CACNA2D3: variants seen among roughly 807,000 people sequenced by gnomAD.
CACNA2D3 encodes calcium voltage-gated channel auxiliary subunit alpha2delta 3.
A neutral mutation model predicts 160.6 loss-of-function variants in CACNA2D3; 60 were observed. The observed-to-expected ratio is 0.37, with a 90% CI of 0.30 to 0.46. The LOEUF is 0.46. CACNA2D3 is among the 20% of genes least tolerant of loss of function. The probability of loss-of-function intolerance (pLI) is 1.00; values close to 1 mark genes in which losing one functional copy is unlikely to be tolerated. For synonymous variants in CACNA2D3, 558 were observed against 492.9 expected (o/e 1.13, Z -1.75); for missense variants, 1,205 against 1,365.0 (o/e 0.88, Z 1.85).
At chr3:54,453,149 A>G (rs1000427139) in intron 4 of CACNA2D3, among the ~76,000 whole-genome samples, 3 of 151,846 alleles carry the variant, frequency 2.0e-5, no homozygotes, top group Non-Finnish European at 2.9e-5. Context: ...GCACCACCAC[A>G]CCCAGCTAAT....
chr3:54,636,144 A>G (rs1468705761), intron 10 of CACNA2D3, among the ~76,000 whole-genome samples: 1 of 151,874 alleles, frequency 6.6e-6, no homozygotes, highest in Admixed American at 6.6e-5. Flanking sequence ...ATGGAAAGGA[A>G]ATGAGAGGTT....
At chr3:54,208,396 C>T (rs1048319254) in intron 2 of CACNA2D3, among the ~76,000 whole-genome samples, 4 of 152,172 alleles carry the variant, frequency 2.6e-5, no homozygotes, top group African/African-American at 9.7e-5. Flanking sequence ...GTGTGAGCCA[C>T]CACACCTGGC....
At chr3:54,992,780 GAAAAAA>G (rs5849065) in intron 31 of CACNA2D3, among the ~76,000 whole-genome samples, 39 of 137,366 alleles carry the variant, frequency 2.8e-4, no homozygotes, top group African/African-American at 9.0e-4. Context: ...TGAACAACAA[GAAAAAA>G]AAAAAAAAGA....
Position 55,073,535 on chromosome 3 carries a change from C to T in CACNA2D3, c.3078C>T (p.Thr1026=), listed in dbSNP as rs749150933. 5.0e-6 allele frequency: 8 copies of T among 1,613,646 alleles called. No homozygotes were observed. In the East Asian group the frequency reaches 1.6e-4, roughly 31 times the overall value. The change falls in exon 36 of 38, where the codon ACC becomes ACT. Residue 1026 remains threonine (T), a synonymous_variant. Transcript: ENST00000474759. The part of the protein sequence containing the change: ...SCLCESVAPI[T]MAPIEIRYNE... ...TCTGTGAATCTGTGGCCCCCATCAC[C>T]ATGGCACCCATTGAAATCAGGTATA...
chr3:54,447,333 G>A (rs1700239433), intron 4 of CACNA2D3, among the ~76,000 whole-genome samples: 1 of 152,196 alleles, frequency 6.6e-6, no homozygotes, highest in Non-Finnish European at 1.5e-5. Flanking sequence ...GAAAAATCCT[G>A]GAAGAGCAAG....
intron 10 of CACNA2D3, chr3:54,632,431 C>T (rs1416292257): frequency 1.3e-5 from 2 of 152,178 alleles, no homozygotes; most frequent in African/African-American, 4.8e-5. Context: ...TATGCATTGG[C>T]TTGTTGCTGA....
chr3:54,268,244 T>C (rs1702556809), intron 2 of CACNA2D3, among the ~76,000 whole-genome samples: 1 of 152,180 alleles, frequency 6.6e-6, no homozygotes, highest in Non-Finnish European at 1.5e-5. Context: ...TCATACAGCC[T>C]TCATGTGATG....
In CACNA2D3 at chr3:54,570,023, A is replaced by G. The variant is rs1275783840; in HGVS notation, c.807A>G (p.Gly269=). The G allele has an allele frequency of 6.2e-7, 1 of 1,613,896 alleles. No individual in the cohort carries two copies. The highest frequency in any genetic ancestry group is 2.2e-5 in the East Asian group (1 of 44,882). ...ILVDVSGSMK[G]LRLTIAKQTV... ...TTGACGTCAGTGGCAGCATGAAAGG[A>G]CTCCGTCTGACTATCGCGAAGCAAA... Residue 269 remains glycine (G), a synonymous_variant, in exon 8 of 38, where the codon GGA becomes GGG. Coordinates refer to ENST00000474759, the MANE Select transcript of CACNA2D3 (RefSeq NM_018398.3).
intron 11 of CACNA2D3, among the ~76,000 whole-genome samples, chr3:54,723,487 C>G (rs1028436553): frequency 6.6e-6 from 1 of 152,152 alleles, no homozygotes; most frequent in African/African-American, 2.4e-5. Context: ...AATGGCTACC[C>G]AGTTTTGTGC....
intron 11 of CACNA2D3, among the ~76,000 whole-genome samples, chr3:54,674,232 C>T (rs1351951766): frequency 6.6e-6 from 1 of 152,162 alleles, no homozygotes; most frequent in Non-Finnish European, 1.5e-5. Context: ...CCCAGGGTTC[C>T]TTTATTCTGC....
At chr3:54,324,911 C>G (rs960716371) in intron 3 of CACNA2D3, among the ~76,000 whole-genome samples, 2 of 90,112 alleles carry the variant, frequency 2.2e-5, no homozygotes, top group African/African-American at 7.7e-5. Flanking sequence ...GTCTGTGTCA[C>G]AAGTCAGAGC....
At chr3:54,539,610 T>G (rs1349991011) in intron 5 of CACNA2D3, among the ~76,000 whole-genome samples, 1 of 152,256 alleles carries the variant, frequency 6.6e-6, no homozygotes, top group Non-Finnish European at 1.5e-5. Flanking sequence ...CAGGTCCTTG[T>G]GGACACACAC....
At chr3:54,229,828 A>G (rs1193372927) in intron 2 of CACNA2D3, among the ~76,000 whole-genome samples, 1 of 152,032 alleles carries the variant, frequency 6.6e-6, no homozygotes, top group Non-Finnish European at 1.5e-5. Context: ...CCATTTTGTT[A>G]TATCTTGTTC....
At chr3:54,828,284 A>T (rs1174268059) in intron 14 of CACNA2D3, among the ~76,000 whole-genome samples, 1 of 152,212 alleles carries the variant, frequency 6.6e-6, no homozygotes, top group Non-Finnish European at 1.5e-5. Flanking sequence ...CTCATCATAA[A>T]TATTGACCAA....
At chr3:54,855,661 A>G (rs2106790930) in intron 17 of CACNA2D3, among the ~76,000 whole-genome samples, 1 of 151,996 alleles carries the variant, frequency 6.6e-6, no homozygotes, top group East Asian at 1.9e-4. Flanking sequence ...AGAATGAGAG[A>G]CCCTCTGTCC....
intron 5 of CACNA2D3, among the ~76,000 whole-genome samples, chr3:54,523,930 A>G (rs551331418): frequency 6.6e-6 from 1 of 151,546 alleles, no homozygotes; most frequent in African/African-American, 2.4e-5. Flanking sequence ...CAATTTTTTT[A>G]TCTTCTTAAT....
intron 3 of CACNA2D3, among the ~76,000 whole-genome samples, chr3:54,339,705 T>C (rs1222617686): frequency 6.6e-6 from 1 of 152,220 alleles, no homozygotes; most frequent in Non-Finnish European, 1.5e-5. Context: ...TATTAGAAAC[T>C]CGAGTAACTT....
At chr3:54,714,933 G>C (rs904544343) in intron 11 of CACNA2D3, among the ~76,000 whole-genome samples, 1 of 152,306 alleles carries the variant, frequency 6.6e-6, no homozygotes. Context: ...GTACACTTCT[G>C]TGATCCTGGA....
rs1035991739 is a variant in CACNA2D3, at chr3:54,588,051, A to G, written c.963+6174A>G. ...CAATATTTCTCATGAACTTACATGC[A>G]AGAATCCTCAACAAAATTTCAGCAC... On this transcript the variant is annotated intron_variant, in intron 9 of 37. Coordinates refer to ENST00000474759, the MANE Select transcript of CACNA2D3 (RefSeq NM_018398.3). 1.3e-5 allele frequency among the ~76,000 whole-genome samples: 2 copies of G among 152,352 alleles called. 1 individual carries two copies.
Sources: allele counts gnomAD v4.1 joint callset (sites outside exome capture counted in the v4.1 genomes callset), GRCh38; gene constraint gnomAD v4.1.1; transcripts MANE v1.5; gene names NCBI Gene and HGNC (gene_info 2026-07-23, HGNC 2026-07-21).